The following CLSTN2 variants were observed in gnomAD, a reference collection of about 807,000 sequenced individuals.
CLSTN2 encodes calsyntenin 2.
A neutral mutation model predicts 101.2 loss-of-function variants in CLSTN2; 48 were observed. The observed-to-expected ratio is 0.47, with a 90% CI of 0.38 to 0.60. The LOEUF (loss-of-function observed/expected upper bound fraction) is 0.60. CLSTN2 is among the 20% of genes least tolerant of loss of function. The probability of loss-of-function intolerance (pLI) is 0.00; values close to 1 mark genes in which losing one functional copy is unlikely to be tolerated. For missense variants in CLSTN2, 1,160 were observed against 1,238.2 expected, an observed-to-expected ratio of 0.94 and a Z score of 0.95; for synonymous variants, 481 against 463.6, an observed-to-expected ratio of 1.04 and a Z score of -0.48.
intron 1 of CLSTN2, among the ~76,000 whole-genome samples, chr3:140,006,055 T>G (rs9871885): frequency 6.6e-6 from 1 of 151,930 alleles, no homozygotes; most frequent in African/African-American, 2.4e-5. Context: ...GAAACCAGAG[T>G]TGACATTGAT....
At chr3:140,262,190 G>A (rs1460066246) in intron 2 of CLSTN2, among the ~76,000 whole-genome samples, 1 of 152,190 alleles carries the variant, frequency 6.6e-6, no homozygotes, top group Non-Finnish European at 1.5e-5. Context: ...CTGGAAATGA[G>A]CCAGTAGAAT....
At chr3:140,159,663 G>T (rs901654908) in intron 1 of CLSTN2, among the ~76,000 whole-genome samples, 1 of 151,820 alleles carries the variant, frequency 6.6e-6, no homozygotes, top group South Asian at 2.1e-4. Context: ...CACACTCCTG[G>T]GTATATATCC....
intron 1 of CLSTN2, among the ~76,000 whole-genome samples, chr3:140,071,906 G>A (rs1488330068): frequency 6.6e-6 from 1 of 152,036 alleles, no homozygotes; most frequent in African/African-American, 2.4e-5. Context: ...ACCTTCTTTT[G>A]ATTAGAGAAA....
intron 1 of CLSTN2, among the ~76,000 whole-genome samples, chr3:140,018,558 T>C (rs575904337): frequency 6.6e-6 from 1 of 152,286 alleles, no homozygotes; most frequent in Non-Finnish European, 1.5e-5. Context: ...TGTGCTTTGG[T>C]GGCTCTCTGA....
At chr3:139,962,469 A>G (rs2107815098) in intron 1 of CLSTN2, among the ~76,000 whole-genome samples, 1 of 152,294 alleles carries the variant, frequency 6.6e-6, no homozygotes. Context: ...TCCATAAGCA[A>G]CTACTGTTCT....
At chr3:140,427,709 C>T (rs2088587794) in intron 5 of CLSTN2, among the ~76,000 whole-genome samples, 1 of 152,118 alleles carries the variant, frequency 6.6e-6, no homozygotes, top group Admixed American at 6.5e-5. Flanking sequence ...TCCCAGTATG[C>T]ACCTGTCTCA....
At chr3:140,138,696 C>A (rs184687860) in intron 1 of CLSTN2, among the ~76,000 whole-genome samples, 1 of 152,188 alleles carries the variant, frequency 6.6e-6, no homozygotes, top group African/African-American at 2.4e-5. Flanking sequence ...TGAGTTACCC[C>A]CTACTCTCAC....
chr3:140,537,785 T>A (rs1935387736), intron 9 of CLSTN2, among the ~76,000 whole-genome samples: 1 of 152,222 alleles, frequency 6.6e-6, no homozygotes, highest in South Asian at 2.1e-4. Flanking sequence ...GTTCTACTCA[T>A]AAACAATAAA....
At chr3:140,214,453 T>TAA (rs10638926) in intron 2 of CLSTN2, among the ~76,000 whole-genome samples, 102,805 of 150,190 alleles carry the variant, frequency 0.68, 35,530 homozygotes, top group East Asian at 0.91. Context: ...GACTCTGTCT[T>TAA]AAAAAAAAAG....
Position 139,935,994 on chromosome 3 carries a change from T to C in CLSTN2, c.109+511T>C, listed in dbSNP as rs1337264530. On this transcript the variant is annotated intron_variant, in intron 1 of 16. Transcript: ENST00000458420. This position sits in a 1 kb window ranked among gnomAD's most constrained non-coding sequence, Gnocchi z 5.5. ...ACTCCTCAAGCTCCCCCAGGGCGTC[T>C]CTGACTCCCCGGGGAACGTGTACCC... Among the ~76,000 whole-genome samples, 3 of 151,794 alleles carry C rather than the reference T, an allele frequency of 2.0e-5. No individual in the cohort carries two copies. The highest frequency in any genetic ancestry group is 6.5e-5 in the Admixed American group (1 of 15,270).
intron 8 of CLSTN2, chr3:140,507,545 C>T (rs1236447856): frequency 6.6e-6 from 1 of 152,178 alleles, no homozygotes; most frequent in African/African-American, 2.4e-5. Context: ...CCACCCCTCG[C>T]TTCTGTGCCA....
At chr3:140,278,035 C>G (rs953366679) in intron 2 of CLSTN2, among the ~76,000 whole-genome samples, 1 of 152,210 alleles carries the variant, frequency 6.6e-6, no homozygotes, top group African/African-American at 2.4e-5. Flanking sequence ...GAGGCTCACC[C>G]CACTGAAGAC....
chr3:140,466,010 A>C (rs1475410972), intron 7 of CLSTN2, among the ~76,000 whole-genome samples: 1 of 152,194 alleles, frequency 6.6e-6, no homozygotes, highest in African/African-American at 2.4e-5. Context: ...ACTTCCCATT[A>C]ATTGCCTGTG....
intron 2 of CLSTN2, among the ~76,000 whole-genome samples, chr3:140,212,467 G>T (rs1234988773): frequency 6.6e-6 from 1 of 152,198 alleles, no homozygotes; most frequent in East Asian, 1.9e-4. Context: ...TCAAGACTGT[G>T]TATTTGTAAG....
At chr3:139,998,737 G>A (rs1230418815) in intron 1 of CLSTN2, among the ~76,000 whole-genome samples, 1 of 151,972 alleles carries the variant, frequency 6.6e-6, no homozygotes, top group African/African-American at 2.4e-5. Context: ...TCAAGACCAG[G>A]GCAGGACATT....
chr3:139,954,963 G>A (rs1406015399), intron 1 of CLSTN2, among the ~76,000 whole-genome samples: 3 of 151,426 alleles, frequency 2.0e-5, no homozygotes, highest in East Asian at 1.9e-4. Context: ...TAAATGGATG[G>A]GATTTAGTAT....
At chr3:140,425,178 A>G (rs2088553306) in intron 5 of CLSTN2, among the ~76,000 whole-genome samples, 1 of 152,178 alleles carries the variant, frequency 6.6e-6, no homozygotes, top group African/African-American at 2.4e-5. Context: ...ACCTCCCCCA[A>G]GCACTCCCAA....
chr3:140,532,862 C>A (rs988327962), intron 9 of CLSTN2, among the ~76,000 whole-genome samples: 1 of 152,156 alleles, frequency 6.6e-6, no homozygotes, highest in African/African-American at 2.4e-5. Context: ...TGATCAGGAA[C>A]CAAGGATCTC....
intron 1 of CLSTN2, among the ~76,000 whole-genome samples, chr3:140,106,026 G>A (rs1436876925): frequency 6.6e-6 from 1 of 152,188 alleles, no homozygotes; most frequent in Non-Finnish European, 1.5e-5. Context: ...GGAAAGATGG[G>A]TGGAGGCCTT....
Sources: allele counts gnomAD v4.1 joint callset (sites outside exome capture counted in the v4.1 genomes callset), GRCh38; gene constraint gnomAD v4.1.1; non-coding constraint Gnocchi (gnomAD v3.1); transcripts MANE v1.5; gene names NCBI Gene and HGNC (gene_info 2026-07-23, HGNC 2026-07-21).